Variants in PDGFC observed in about 807,000 individuals in gnomAD.
PDGFC encodes the protein platelet-derived growth factor C.
In PDGFC, 12 loss-of-function variants were observed where a neutral mutation model predicts 35.5. The observed-to-expected ratio is 0.34, with a 90% CI of 0.22 to 0.55. The LOEUF (loss-of-function observed/expected upper bound fraction) is 0.55. PDGFC is among the 20% of genes least tolerant of loss of function. The pLI is 0.91. For synonymous variants in PDGFC, 159 were observed against 148.8 expected (o/e 1.07, Z -0.50); for missense variants, 322 against 412.4 (o/e 0.78, Z 1.90).
intron 1 of PDGFC, among the ~76,000 whole-genome samples, chr4:156,912,038 A>G (rs1315739151): frequency 3.3e-5 from 5 of 152,290 alleles, no homozygotes; most frequent in Admixed American, 2.0e-4. Flanking sequence ...GAGACTAAGG[A>G]AAGTTTTCTT....
Position 156,780,659 on chromosome 4 carries a change from G to C in PDGFC, c.496-7766C>G, listed in dbSNP as rs575089065. 4.6e-5 allele frequency among the ~76,000 whole-genome samples: 7 copies of C among 152,254 alleles called. No homozygotes were observed. In the East Asian group the frequency reaches 1.4e-3, roughly 29 times the overall value. On this transcript the variant is annotated intron_variant, in intron 3 of 5. Coordinates refer to ENST00000502773, the MANE Select transcript of PDGFC (RefSeq NM_016205.3). ...TTGGAGTAAGAAATAAGGGTACAGA[G>C]TTATTTACTTTAAAATGTCTTGACA...
At chr4:156,815,777 T>A (rs2110960329) in intron 2 of PDGFC, among the ~76,000 whole-genome samples, 1 of 152,278 alleles carries the variant, frequency 6.6e-6, no homozygotes, top group South Asian at 2.1e-4. Context: ...GGTATTAATT[T>A]CCAATGTGCA....
chr4:156,845,639 C>T (rs1188887104), intron 2 of PDGFC, among the ~76,000 whole-genome samples: 1 of 151,824 alleles, frequency 6.6e-6, no homozygotes, highest in East Asian at 1.9e-4. Context: ...ATGGAGTTCT[C>T]TCCCTTACTG....
In PDGFC at chr4:156,787,706, G is replaced by A. The variant is rs572545629; in HGVS notation, c.496-14813C>T. 4.3e-4 allele frequency among the ~76,000 whole-genome samples: 65 copies of A among 152,042 alleles called. 2 individuals carry two copies. The highest frequency in any genetic ancestry group is 1.0e-4 in the Non-Finnish European group (7 of 68,010). On this transcript the variant is annotated intron_variant, in intron 3 of 5. Transcript: ENST00000502773. ...AAGAGTGCAGGAGGCACACTTGAGT[G>A]GTCAAGAGATGAATGAGATGGAGTA...
At chr4:156,942,764 T>C (rs993745127) in intron 1 of PDGFC, among the ~76,000 whole-genome samples, 8 of 149,756 alleles carry the variant, frequency 5.3e-5, no homozygotes, top group Non-Finnish European at 1.0e-4. Flanking sequence ...ACAACATGTA[T>C]AATTACAATA....
chr4:156,851,453 C>T (rs1416926490), intron 1 of PDGFC, among the ~76,000 whole-genome samples: 1 of 152,088 alleles, frequency 6.6e-6, no homozygotes, highest in Admixed American at 6.6e-5. Context: ...ATCTCTCCTC[C>T]TTTTTATTAA....
intron 1 of PDGFC, among the ~76,000 whole-genome samples, chr4:156,870,780 G>A (rs1192843433): frequency 1.3e-5 from 2 of 152,088 alleles, no homozygotes; most frequent in Non-Finnish European, 2.9e-5. Context: ...CTTTCTCACT[G>A]ATACATGTTC....
In PDGFC at chr4:156,781,135, T is replaced by C. The variant is rs573777798; in HGVS notation, c.496-8242A>G. ...ATTTCTTATCAACACATTATTACCA[T>C]TTCAGTAAATGCCAATTCCGTAATT... On this transcript the variant is annotated intron_variant, in intron 3 of 5. Transcript: ENST00000502773. 9.2e-5 allele frequency among the ~76,000 whole-genome samples: 14 copies of C among 152,282 alleles called. No homozygotes were observed. The South Asian group carries it at 2.7e-3, about 29-fold the overall frequency.
At chr4:156,779,256 G>T in intron 3 of PDGFC, 2 of 443,012 alleles carry the variant, frequency 4.5e-6, no homozygotes, top group Admixed American at 2.5e-5. Context: ...AGTTATCTGG[G>T]TCATGTTTTT....
chr4:156,888,962 G>A (rs1049874714), intron 1 of PDGFC, among the ~76,000 whole-genome samples: 2 of 152,152 alleles, frequency 1.3e-5, no homozygotes, highest in African/African-American at 2.4e-5. Flanking sequence ...GTATTCTAAT[G>A]TTGTGTAATG....
intron 1 of PDGFC, among the ~76,000 whole-genome samples, chr4:156,970,550 G>A (rs986718540): frequency 6.6e-6 from 1 of 152,194 alleles, no homozygotes; most frequent in Non-Finnish European, 1.5e-5. Context: ...CTCCCAGAAT[G>A]TCCTCACTCA....
chr4:156,890,733 C>T (rs1446285021), intron 1 of PDGFC, among the ~76,000 whole-genome samples: 6 of 152,008 alleles, frequency 3.9e-5, no homozygotes, highest in African/African-American at 1.5e-4. Context: ...GACTAAAATG[C>T]TAATATAAAA....
chr4:156,821,179 G>A (rs938380781), intron 2 of PDGFC, among the ~76,000 whole-genome samples: 72 of 145,924 alleles, frequency 4.9e-4, no homozygotes, highest in Non-Finnish European at 9.3e-4. Flanking sequence ...ATGTGTGTGT[G>A]TGTGTGTGTG....
intron 1 of PDGFC, among the ~76,000 whole-genome samples, chr4:156,956,523 ACCT>A (rs1732214245): frequency 6.6e-6 from 1 of 151,942 alleles, no homozygotes; most frequent in African/African-American, 2.4e-5. Flanking sequence ...TCTGACATTA[ACCT>A]CCTGCAAATG....
At chr4:156,872,124 A>C (rs755600171) in intron 1 of PDGFC, among the ~76,000 whole-genome samples, 28 of 152,200 alleles carry the variant, frequency 1.8e-4, no homozygotes, top group Non-Finnish European at 3.1e-4. Flanking sequence ...GATTAAAAAT[A>C]TCAGCTTTGC....
At chr4:156,774,149 T>C (rs1730759738) in intron 3 of PDGFC, among the ~76,000 whole-genome samples, 1 of 152,124 alleles carries the variant, frequency 6.6e-6, no homozygotes. Flanking sequence ...AAATCCAAAT[T>C]CCTTACACAG....
chr4:156,808,999 C>T (rs1731851028), intron 3 of PDGFC, among the ~76,000 whole-genome samples: 2 of 152,100 alleles, frequency 1.3e-5, no homozygotes, highest in East Asian at 1.9e-4. Context: ...CAATGTAGGA[C>T]ACTACCTTCA....
intron 2 of PDGFC, chr4:156,842,042 A>G (rs1156404319): frequency 6.6e-6 from 1 of 152,108 alleles, no homozygotes; most frequent in Non-Finnish European, 1.5e-5. Context: ...TCCCATGTAA[A>G]ATTTCCCTGT....
chr4:156,785,439 C>T (rs1731095682), intron 3 of PDGFC, among the ~76,000 whole-genome samples: 1 of 152,142 alleles, frequency 6.6e-6, no homozygotes. Context: ...GTCTCGAGCT[C>T]CTGACCTCAG....
Sources: gnomAD v4.1 joint callset for allele counts (sites outside exome capture counted in the v4.1 genomes callset) on GRCh38, gnomAD v4.1.1 for gene constraint, MANE v1.5 for transcripts, NCBI Gene and HGNC (gene_info 2026-07-23, HGNC 2026-07-21) for gene names.